CYYR1: variants seen among roughly 807,000 people sequenced by gnomAD.
The protein encoded by CYYR1 is cysteine and tyrosine-rich protein 1.
In CYYR1, 14 loss-of-function variants were observed where a neutral mutation model predicts 15.2. The observed-to-expected ratio is 0.92, with a 90% confidence interval of 0.61 to 1.44. The LOEUF is 1.44. CYYR1 is among the 40% of genes most tolerant of loss of function. The probability of loss-of-function intolerance (pLI) is 0.00; values close to 1 mark genes in which losing one functional copy is unlikely to be tolerated. For synonymous variants in CYYR1, 80 were observed against 77.4 expected (o/e 1.03, Z -0.18); for missense variants, 228 against 209.5 (o/e 1.09, Z -0.54).
At chr21:26,566,572 A>C (rs1412204389) in intron 1 of CYYR1, among the ~76,000 whole-genome samples, 1 of 152,236 alleles carries the variant, frequency 6.6e-6, no homozygotes, top group Non-Finnish European at 1.5e-5. Context: ...AAAGACAAAG[A>C]CAACTCTTGA....
At chr21:26,504,224 G>GTATTTATTTATTTATTTATTTATT (rs59992346) in intron 2 of CYYR1, among the ~76,000 whole-genome samples, 41 of 150,564 alleles carry the variant, frequency 2.7e-4, no homozygotes, top group African/African-American at 9.5e-4. Context: ...TCTTTGTGAT[G>GTATTTATTTATTTATTTATTTATT]TATTTATTTA....
chr21:26,520,113 G>GT (rs2065783603), intron 2 of CYYR1, among the ~76,000 whole-genome samples: 1 of 120,670 alleles, frequency 8.3e-6, no homozygotes, highest in African/African-American at 3.4e-5. Flanking sequence ...AAACCCAGGA[G>GT]ATATATATAT....
At chr21:26,553,519 A>C (rs1979542305) in intron 2 of CYYR1, among the ~76,000 whole-genome samples, 1 of 152,154 alleles carries the variant, frequency 6.6e-6, no homozygotes, top group Non-Finnish European at 1.5e-5. Flanking sequence ...CTCTCTGTTC[A>C]TGTCCTGAAG....
At chr21:26,563,688 G>C (rs1980402249) in intron 2 of CYYR1, among the ~76,000 whole-genome samples, 1 of 152,154 alleles carries the variant, frequency 6.6e-6, no homozygotes, top group South Asian at 2.1e-4. Context: ...TGGTTAGTTT[G>C]CAAAACAGCA....
intron 2 of CYYR1, among the ~76,000 whole-genome samples, chr21:26,488,403 C>T (rs1217533830): frequency 3.9e-5 from 6 of 151,910 alleles, no homozygotes; most frequent in African/African-American, 9.7e-5. Context: ...TATGGGCACA[C>T]GTCACCATTA....
At chr21:26,504,198 T>C (rs1166104443) in intron 2 of CYYR1, among the ~76,000 whole-genome samples, 1 of 151,638 alleles carries the variant, frequency 6.6e-6, no homozygotes, top group African/African-American at 2.4e-5. Context: ...TACAAATTAT[T>C]ATTATTTTAT....
chr21:26,495,231 G>A (rs992219068), intron 2 of CYYR1, among the ~76,000 whole-genome samples: 2 of 152,194 alleles, frequency 1.3e-5, no homozygotes, highest in Non-Finnish European at 2.9e-5. Flanking sequence ...ATGCAGATTG[G>A]GCAGAGAGCG....
intron 2 of CYYR1, chr21:26,506,825 T>C (rs898224728): frequency 3.3e-5 from 5 of 152,106 alleles, no homozygotes; most frequent in African/African-American, 1.2e-4. Flanking sequence ...CCTCATTTGG[T>C]CACTTGACCA....
chr21:26,514,066 TAAAAA>T (rs5843239), intron 2 of CYYR1, among the ~76,000 whole-genome samples: 1 of 149,334 alleles, frequency 6.7e-6, no homozygotes, highest in Non-Finnish European at 1.5e-5. Context: ...AGTATAATAA[TAAAAA>T]AAAAAACCAT....
chr21:26,566,431 ATTC>A (rs1980626527), intron 1 of CYYR1, 63 bp from the exon 2 acceptor site: 1 of 1,297,798 alleles, frequency 7.7e-7, no homozygotes. Flanking sequence ...AAGAAAAATT[ATTC>A]TATTTCACAA....
intron 3 of CYYR1, among the ~76,000 whole-genome samples, chr21:26,469,141 A>G (rs953289520): frequency 6.6e-6 from 1 of 152,220 alleles, no homozygotes; most frequent in Non-Finnish European, 1.5e-5. Context: ...AAAAGCTGCA[A>G]CAATGTAATG....
chr21:26,564,227 G>A (rs903659157), intron 2 of CYYR1, among the ~76,000 whole-genome samples: 1 of 150,862 alleles, frequency 6.6e-6, no homozygotes, highest in Non-Finnish European at 1.5e-5. Context: ...CTTTTCAAAT[G>A]TTAAACAATA....
At chr21:26,531,320 A>G (rs2065927996) in intron 2 of CYYR1, among the ~76,000 whole-genome samples, 1 of 152,142 alleles carries the variant, frequency 6.6e-6, no homozygotes, top group Non-Finnish European at 1.5e-5. Context: ...TGAAATTCCC[A>G]TAAAAATAAT....
chr21:26,515,939 G>A (rs1049146015), intron 2 of CYYR1, among the ~76,000 whole-genome samples: 2 of 152,044 alleles, frequency 1.3e-5, no homozygotes, highest in Admixed American at 1.3e-4. Flanking sequence ...ATTCTTTCCA[G>A]TCAATGCAAT....
chr21:26,559,056 C>G (rs970441836), intron 2 of CYYR1, among the ~76,000 whole-genome samples: 3 of 152,204 alleles, frequency 2.0e-5, no homozygotes, highest in African/African-American at 4.8e-5. Context: ...TGATTGCTCT[C>G]TATGTGGAAC....
intron 2 of CYYR1, among the ~76,000 whole-genome samples, chr21:26,493,858 T>C (rs144562573): frequency 1.3e-5 from 2 of 152,336 alleles, no homozygotes; most frequent in African/African-American, 2.4e-5. Context: ...ATAAAATGCA[T>C]ATCTACTCTT....
intron 2 of CYYR1, among the ~76,000 whole-genome samples, chr21:26,522,211 T>C (rs2065811677): frequency 6.6e-6 from 1 of 152,190 alleles, no homozygotes; most frequent in Non-Finnish European, 1.5e-5. Context: ...TACCATATAT[T>C]TTTTAGAAGT....
chr21:26,483,104 G>A (rs1002361056), intron 2 of CYYR1, among the ~76,000 whole-genome samples: 2 of 151,832 alleles, frequency 1.3e-5, no homozygotes, highest in Non-Finnish European at 2.9e-5. Context: ...ACTACTGTCT[G>A]GAGAATTTCA....
chr21:26,494,220 T>C (rs1397519324), intron 2 of CYYR1, among the ~76,000 whole-genome samples: 1 of 152,154 alleles, frequency 6.6e-6, no homozygotes, highest in African/African-American at 2.4e-5. Flanking sequence ...CTCAGCTTAA[T>C]GAACATTGAA....
Sources: gnomAD v4.1 joint callset for allele counts (sites outside exome capture counted in the v4.1 genomes callset) on GRCh38, gnomAD v4.1.1 for gene constraint, MANE v1.5 for transcripts, NCBI Gene and HGNC (gene_info 2026-07-23, HGNC 2026-07-21) for gene names.